Variants in CLYBL observed in about 807,000 individuals in gnomAD.
CLYBL encodes citramalyl-CoA lyase, also known as citramalyl-CoA lyase, mitochondrial.
Under a neutral mutation model 38.9 loss-of-function variants are expected in CLYBL, and 31 were observed. That is an observed-to-expected ratio of 0.80 (90% CI 0.60 to 1.08). CLYBL has a LOEUF of 1.08. Among genes scored for constraint, CLYBL ranks in the 50% least tolerant of loss-of-function variants. The pLI, the probability that CLYBL is intolerant of heterozygous loss-of-function variation, is 0.00. For missense variants in CLYBL, 434 were observed against 411.6 expected (o/e 1.05, Z -0.47); for synonymous variants, 171 against 158.6 (o/e 1.08, Z -0.59).
intron 2 of CLYBL, among the ~76,000 whole-genome samples, chr13:99,795,730 G>C (rs2050009230): frequency 6.6e-6 from 1 of 152,180 alleles, no homozygotes; most frequent in South Asian, 2.1e-4. Flanking sequence ...GATGAGCCAG[G>C]TGCTGGCCGG....
At chr13:99,705,521 A>G (rs1594129722) in intron 1 of CLYBL, among the ~76,000 whole-genome samples, 1 of 152,214 alleles carries the variant, frequency 6.6e-6, no homozygotes, top group East Asian at 1.9e-4. Flanking sequence ...TGGAGGTTGC[A>G]GTGAGCCAAG....
chr13:99,684,277 T>C (rs1316257680), intron 1 of CLYBL, among the ~76,000 whole-genome samples: 2 of 149,396 alleles, frequency 1.3e-5, no homozygotes, highest in East Asian at 2.0e-4. Context: ...TCTCTCAGGT[T>C]TGAGCAATTC....
intron 1 of CLYBL, among the ~76,000 whole-genome samples, chr13:99,667,863 A>T (rs1306635547): frequency 1.3e-5 from 2 of 152,226 alleles, no homozygotes; most frequent in African/African-American, 2.4e-5. Context: ...GGATAGATGC[A>T]TTTGAAGAAT....
At chr13:99,634,852 AG>A (rs2046996795) in intron 1 of CLYBL, among the ~76,000 whole-genome samples, 1 of 152,150 alleles carries the variant, frequency 6.6e-6, no homozygotes, top group African/African-American at 2.4e-5. Flanking sequence ...CACGTGACAA[AG>A]GCTGTGAAGG....
chr13:99,851,479 T>C (rs2051331033), intron 2 of CLYBL, among the ~76,000 whole-genome samples: 1 of 150,754 alleles, frequency 6.6e-6, no homozygotes, highest in African/African-American at 2.5e-5. Context: ...AGGAAAACTT[T>C]GTTTTATATA....
At chr13:99,745,061 A>G (rs998949876) in intron 1 of CLYBL, among the ~76,000 whole-genome samples, 3 of 152,230 alleles carry the variant, frequency 2.0e-5, no homozygotes, top group East Asian at 1.9e-4. Flanking sequence ...GCACATTCCA[A>G]GGGAAGACAA....
At chr13:99,704,720 A>T (rs996247230) in intron 1 of CLYBL, among the ~76,000 whole-genome samples, 1 of 152,188 alleles carries the variant, frequency 6.6e-6, no homozygotes, top group African/African-American at 2.4e-5. Flanking sequence ...GTGTTGTTTA[A>T]GTTGATATAA....
chr13:99,862,893 C>A, intron 3 of CLYBL, 98 bp from the exon 4 acceptor site: 1 of 483,862 alleles, frequency 2.1e-6, no homozygotes, highest in Non-Finnish European at 3.6e-6. Context: ...TTGGATATTA[C>A]TTCCTCAGGT....
At chr13:99,777,771 G>A (rs1232280834) in intron 2 of CLYBL, among the ~76,000 whole-genome samples, 2 of 152,158 alleles carry the variant, frequency 1.3e-5, no homozygotes, top group East Asian at 3.9e-4. Context: ...GGGATTACAG[G>A]CGTGAGCCTG....
chr13:99,871,326 A>G (rs1260234345), intron 7 of CLYBL, among the ~76,000 whole-genome samples: 1 of 152,302 alleles, frequency 6.6e-6, no homozygotes, highest in East Asian at 1.9e-4. Context: ...GAGAAAATAG[A>G]AGTCTGTTTA....
chr13:99,739,152 T>C (rs576578406), intron 1 of CLYBL, among the ~76,000 whole-genome samples: 15 of 152,278 alleles, frequency 9.9e-5, no homozygotes, highest in African/African-American at 3.6e-4. Flanking sequence ...CTAATAATGG[T>C]GTTTTATAAA....
intron 1 of CLYBL, among the ~76,000 whole-genome samples, chr13:99,756,194 A>G (rs972426931): frequency 2.0e-5 from 3 of 152,178 alleles, no homozygotes; most frequent in Non-Finnish European, 4.4e-5. Context: ...CAAACAAGGG[A>G]AACTTCTGCT....
chr13:99,891,506 C>T, intron 8 of CLYBL, 69 bp downstream of exon 8: 1 of 841,988 alleles, frequency 1.2e-6, no homozygotes, highest in South Asian at 1.5e-5. Context: ...TGTTAGGATG[C>T]CAGATTGGGA....
At chr13:99,714,531 T>C (rs1352895849) in intron 1 of CLYBL, among the ~76,000 whole-genome samples, 1 of 151,970 alleles carries the variant, frequency 6.6e-6, no homozygotes, top group African/African-American at 2.4e-5. Context: ...GCAGGAGAAC[T>C]GCTTGAACCG....
At chr13:99,892,964 G>A (rs1267906295), downstream of CLYBL, 2 of 152,428 alleles carry the variant, frequency 1.3e-5, no homozygotes, top group Non-Finnish European at 2.9e-5. Flanking sequence ...CAGACATGCG[G>A]GGAGCCAGCA....
intron 2 of CLYBL, among the ~76,000 whole-genome samples, chr13:99,829,344 G>A (rs1182577347): frequency 1.3e-5 from 2 of 152,208 alleles, no homozygotes; most frequent in Non-Finnish European, 2.9e-5. Context: ...AATGAATGCA[G>A]TGAAGGAACA....
chr13:99,711,341 G>A (rs1011713742), intron 1 of CLYBL, among the ~76,000 whole-genome samples: 2 of 151,748 alleles, frequency 1.3e-5, no homozygotes, highest in African/African-American at 4.8e-5. Flanking sequence ...TGCGCCTCCC[G>A]GTCCACAGAC....
At chr13:99,689,308 C>A (rs1052300975) in intron 1 of CLYBL, among the ~76,000 whole-genome samples, 6 of 152,176 alleles carry the variant, frequency 3.9e-5, no homozygotes, top group Non-Finnish European at 7.3e-5. Flanking sequence ...TCAGGGGAGA[C>A]AGGATTTAGG....
chr13:99,830,641 A>G (rs987639918), intron 2 of CLYBL, among the ~76,000 whole-genome samples: 3 of 152,200 alleles, frequency 2.0e-5, no homozygotes, highest in African/African-American at 7.2e-5. Context: ...ACACCCCTAG[A>G]GATCTTACCA....
Sources: allele counts gnomAD v4.1 joint callset (sites outside exome capture counted in the v4.1 genomes callset), GRCh38; gene constraint gnomAD v4.1.1; transcripts MANE v1.5; gene names NCBI Gene and HGNC (gene_info 2026-07-23, HGNC 2026-07-21).